The following PLCB1 variants were observed in gnomAD, a reference collection of about 807,000 sequenced individuals.
PLCB1 encodes the protein phospholipase C beta 1.
Under a neutral mutation model 161.8 loss-of-function variants are expected in PLCB1, and 46 were observed. The observed-to-expected ratio is 0.28, with a 90% CI of 0.22 to 0.36. PLCB1 has a LOEUF of 0.36. PLCB1 is among the 10% of genes least tolerant of loss of function. PLCB1 has a pLI of 1.00. For missense variants in PLCB1, 1,016 were observed against 1,472.5 expected, an observed-to-expected ratio of 0.69 and a Z score of 5.07; for synonymous variants, 517 against 503.7, an observed-to-expected ratio of 1.03 and a Z score of -0.35.
At chr20:8,199,648 G>T (rs1409625286) in intron 2 of PLCB1, among the ~76,000 whole-genome samples, 14 of 151,752 alleles carry the variant, frequency 9.2e-5, no homozygotes, top group Admixed American at 8.5e-4. Context: ...ATATATTAAG[G>T]ATCTTAATGA....
intron 2 of PLCB1, among the ~76,000 whole-genome samples, chr20:8,316,993 C>G (rs1309696943): frequency 8.3e-5 from 12 of 145,146 alleles, no homozygotes; most frequent in Non-Finnish European, 1.5e-5. Context: ...TAAAACCCAC[C>G]AAGATGAAGT....
Position 8,882,055 on chromosome 20 carries a change from T to C in PLCB1, c.*206T>C, listed in dbSNP as rs887724479. ...CATGTGGAAACCTCCACAGGTCTGCTAGTGAAGAATGCATGTATGTGAGAT... is the reference window on the plus strand; with the variant it reads ...CATGTGGAAACCTCCACAGGTCTGCCAGTGAAGAATGCATGTATGTGAGAT... On this transcript the variant is annotated 3_prime_UTR_variant, in exon 32 of 32. Coordinates refer to ENST00000338037, the MANE Select transcript of PLCB1 (RefSeq NM_015192.4). 2 of 550,984 alleles carry C rather than the reference T, an allele frequency of 3.6e-6. No individual in the cohort carries two copies. The highest frequency in any genetic ancestry group is 6.4e-6 in the Non-Finnish European group (2 of 311,294). The allele number at this position is 550,984 out of a possible 1,614,324, so 34.1% of individuals were successfully genotyped here. A position where few individuals can be genotyped will look rare whatever the true frequency, so the allele number is the denominator to read the frequency against.
intron 2 of PLCB1, among the ~76,000 whole-genome samples, chr20:8,155,821 T>C (rs749183398): frequency 9.9e-5 from 15 of 152,088 alleles, no homozygotes; most frequent in Non-Finnish European, 1.6e-4. Context: ...ATTTATTTTA[T>C]TTGGTAGCTT....
chr20:8,273,546 C>T (rs768757200), intron 2 of PLCB1, among the ~76,000 whole-genome samples: 9 of 152,070 alleles, frequency 5.9e-5, no homozygotes, highest in Non-Finnish European at 1.3e-4. Context: ...TGCTGCTTTG[C>T]CACTTCAAAG....
chr20:8,165,797 T>A (rs1389783974), intron 2 of PLCB1, among the ~76,000 whole-genome samples: 7 of 152,180 alleles, frequency 4.6e-5, no homozygotes. Flanking sequence ...CCTCTCCTTC[T>A]TGTTTAAATC....
intron 18 of PLCB1, among the ~76,000 whole-genome samples, chr20:8,731,383 A>G (rs986582409): frequency 6.6e-6 from 1 of 151,920 alleles, no homozygotes; most frequent in African/African-American, 2.4e-5. Flanking sequence ...AATGTTAACT[A>G]TAGTCACCTC....
At chr20:8,576,364 G>A (rs945719398) in intron 3 of PLCB1, among the ~76,000 whole-genome samples, 3 of 152,176 alleles carry the variant, frequency 2.0e-5, no homozygotes, top group South Asian at 2.1e-4. Context: ...AAACTGTAAA[G>A]CCATAAATAA....
chr20:8,871,271 T>C (rs1025906673), intron 31 of PLCB1, among the ~76,000 whole-genome samples: 5 of 152,202 alleles, frequency 3.3e-5, no homozygotes, highest in African/African-American at 1.2e-4. Context: ...CTTACATATA[T>C]ACCTGTAGAT....
rs541025622 is a variant in PLCB1, at chr20:8,628,380, C to G, written c.333C>G (p.Leu111=). 1 of 1,614,070 alleles carries G rather than the reference C, an allele frequency of 6.2e-7. No homozygotes were observed. Among genetic ancestry groups the G allele is most frequent in the Non-Finnish European group, 8.5e-7 (1 of 1,179,992 alleles). Reference sequence around the variant, plus strand: ...TCACAGTGGTGTATGGGCCTGACCTCGTGAACATCTCCCATTTGAATCTCG... The same window carrying G: ...TCACAGTGGTGTATGGGCCTGACCTGGTGAACATCTCCCATTTGAATCTCG... ...RMITVVYGPD[L]VNISHLNLVA... Residue 111 remains leucine (L), a synonymous_variant, in exon 4 of 32, where the codon CTC becomes CTG. Coordinates refer to ENST00000338037, the MANE Select transcript of PLCB1 (RefSeq NM_015192.4).
intron 1 of PLCB1, among the ~76,000 whole-genome samples, chr20:8,140,731 C>G (rs2051393763): frequency 6.6e-6 from 1 of 152,180 alleles, no homozygotes; most frequent in African/African-American, 2.4e-5. Context: ...AGTGTCCTTT[C>G]CAGTCTACCA....
At chr20:8,297,882 TTC>T (rs1983709173) in intron 2 of PLCB1, among the ~76,000 whole-genome samples, 2 of 147,248 alleles carry the variant, frequency 1.4e-5, no homozygotes, top group Admixed American at 1.4e-4. Context: ...CTTAGTAGAT[TTC>T]TTTTTGGGTT....
intron 10 of PLCB1, among the ~76,000 whole-genome samples, chr20:8,694,632 A>G (rs937041126): frequency 7.9e-5 from 12 of 152,228 alleles, no homozygotes; most frequent in African/African-American, 2.4e-4. Flanking sequence ...AGTGTCTGTT[A>G]GGTATTTATC....
At chr20:8,195,314 A>G (rs887740922) in intron 2 of PLCB1, among the ~76,000 whole-genome samples, 2 of 151,938 alleles carry the variant, frequency 1.3e-5, no homozygotes, top group East Asian at 1.9e-4. Context: ...CTAATCCCCA[A>G]TGAGAGGGTA....
At chr20:8,557,106 G>A (rs1479480980) in intron 3 of PLCB1, among the ~76,000 whole-genome samples, 2 of 151,746 alleles carry the variant, frequency 1.3e-5, no homozygotes, top group African/African-American at 2.4e-5. Flanking sequence ...GTGATGATAG[G>A]AAATGGTGCA....
At chr20:8,185,368 T>A (rs1165000951) in intron 2 of PLCB1, among the ~76,000 whole-genome samples, 1 of 152,152 alleles carries the variant, frequency 6.6e-6, no homozygotes, top group African/African-American at 2.4e-5. Flanking sequence ...AGTAAGGGAC[T>A]GGTTAAATAA....
Position 8,685,024 on chromosome 20 carries a change from T to A in PLCB1, c.955T>A (p.Ser319Thr), listed in dbSNP as rs1423512590. ...GAAACTGGATTTGAATGAAGACATG[T>A]CTCAGCCCCTTTCTCACTATTTCAT... ...PEKLDLNEDM[S>T]QPLSHYFINS... Residue 319 changes from serine to threonine, a missense_variant, in exon 10 of 32, where the codon TCT becomes ACT. Physicochemically the swap from Ser to Thr is moderately conservative, Grantham distance 58. Coordinates refer to ENST00000338037, the MANE Select transcript of PLCB1 (RefSeq NM_015192.4). The A allele has an allele frequency of 1.2e-6, 2 of 1,613,844 alleles. No homozygotes were observed. Among genetic ancestry groups the A allele is most frequent in the Admixed American group, 1.7e-5 (1 of 60,020 alleles).
intron 25 of PLCB1, 72 bp downstream of exon 25, chr20:8,760,532 G>T: frequency 2.0e-6 from 2 of 1,013,904 alleles, no homozygotes; most frequent in South Asian, 1.5e-5. Flanking sequence ...TAGAGGAGAG[G>T]AAATTTCCAT....
chr20:8,437,631 T>C (rs890761828), intron 3 of PLCB1, among the ~76,000 whole-genome samples: 1 of 152,210 alleles, frequency 6.6e-6, no homozygotes, highest in African/African-American at 2.4e-5. Context: ...CTCTCTGGTA[T>C]GGTGTTTATT....
intron 2 of PLCB1, among the ~76,000 whole-genome samples, chr20:8,183,829 G>A (rs1012663718): frequency 3.3e-5 from 5 of 152,004 alleles, no homozygotes; most frequent in Non-Finnish European, 7.4e-5. Context: ...AGCATTCAAA[G>A]TTATCTTATT....
Sources: allele counts gnomAD v4.1 joint callset (sites outside exome capture counted in the v4.1 genomes callset), GRCh38; gene constraint gnomAD v4.1.1; transcripts MANE v1.5; gene names NCBI Gene and HGNC (gene_info 2026-07-23, HGNC 2026-07-21).